CTNND2: variants seen among roughly 807,000 people sequenced by gnomAD.
The protein encoded by CTNND2 is catenin delta-2.
CTNND2 carries 22 observed loss-of-function variants against 144.4 expected under a neutral mutation model. The observed-to-expected ratio is 0.15, with a 90% CI of 0.11 to 0.22. The LOEUF is 0.22. Ranked by LOEUF, CTNND2 falls within the 10% of genes least tolerant of loss-of-function variation. CTNND2 has a pLI of 1.00. For missense variants in CTNND2, 1,353 were observed against 1,618.8 expected (o/e 0.84, Z 2.82); for synonymous variants, 751 against 695.6 (o/e 1.08, Z -1.25).
intron 9 of CTNND2, among the ~76,000 whole-genome samples, chr5:11,289,427 A>G (rs578061791): frequency 1.1e-4 from 16 of 152,308 alleles, no homozygotes; most frequent in African/African-American, 3.8e-4. Flanking sequence ...CTCTTATCAA[A>G]TTGGATTTGG....
At chr5:11,091,291 T>C (rs1368216807) in intron 15 of CTNND2, among the ~76,000 whole-genome samples, 6 of 152,202 alleles carry the variant, frequency 3.9e-5, no homozygotes, top group Non-Finnish European at 5.9e-5. Flanking sequence ...TCACACCCCA[T>C]GTATTTTTCA....
At chr5:11,193,709 C>T (rs1207447057) in intron 11 of CTNND2, among the ~76,000 whole-genome samples, 3 of 152,020 alleles carry the variant, frequency 2.0e-5, no homozygotes, top group Non-Finnish European at 4.4e-5. Flanking sequence ...TACTTAGCTC[C>T]TGCTCTGGGG....
intron 11 of CTNND2, among the ~76,000 whole-genome samples, chr5:11,185,844 G>A (rs1735572107): frequency 6.6e-6 from 1 of 152,214 alleles, no homozygotes; most frequent in Non-Finnish European, 1.5e-5. Flanking sequence ...TTGCTATGTT[G>A]TGTTCGTTAA....
At chr5:11,467,710 C>A (rs1189467836) in intron 3 of CTNND2, among the ~76,000 whole-genome samples, 1 of 152,142 alleles carries the variant, frequency 6.6e-6, no homozygotes, top group Non-Finnish European at 1.5e-5. Context: ...ATTTAAGCAG[C>A]AGTTTTGGGT....
chr5:11,005,658 A>G (rs1740409248), intron 18 of CTNND2, among the ~76,000 whole-genome samples: 1 of 152,218 alleles, frequency 6.6e-6, no homozygotes, highest in Non-Finnish European at 1.5e-5. Flanking sequence ...GTTGGGTGCT[A>G]TTTACTGAGA....
intron 2 of CTNND2, among the ~76,000 whole-genome samples, chr5:11,728,146 T>C (rs1787124828): frequency 6.6e-6 from 1 of 152,144 alleles, no homozygotes; most frequent in African/African-American, 2.4e-5. Context: ...ATATATAAAG[T>C]ACTCAGTGTC....
At chr5:11,167,672 G>T (rs1162670817) in intron 11 of CTNND2, among the ~76,000 whole-genome samples, 1 of 150,948 alleles carries the variant, frequency 6.6e-6, no homozygotes, top group Admixed American at 6.6e-5. Flanking sequence ...CATTTAGATG[G>T]CAAGAAGCCA....
At chr5:11,342,295 C>T (rs570815723) in intron 9 of CTNND2, among the ~76,000 whole-genome samples, 1 of 152,264 alleles carries the variant, frequency 6.6e-6, no homozygotes, top group South Asian at 2.1e-4. Context: ...GAAATGTATA[C>T]ATAATTCCTT....
At chr5:11,132,773 C>T (rs1257198533) in intron 12 of CTNND2, among the ~76,000 whole-genome samples, 1 of 152,148 alleles carries the variant, frequency 6.6e-6, no homozygotes, top group East Asian at 1.9e-4. Flanking sequence ...TCAAAACATT[C>T]CTTGGATCAA....
At chr5:11,455,346 C>T (rs1274157607) in intron 3 of CTNND2, among the ~76,000 whole-genome samples, 1 of 152,128 alleles carries the variant, frequency 6.6e-6, no homozygotes, top group Non-Finnish European at 1.5e-5. Context: ...AAATACTATT[C>T]TCTGGGCCCC....
chr5:11,754,142 C>T (rs1788776689), intron 1 of CTNND2, among the ~76,000 whole-genome samples: 1 of 150,776 alleles, frequency 6.6e-6, no homozygotes, highest in African/African-American at 2.4e-5. Context: ...TTTGTTGATC[C>T]TTTGTGTAAC....
At chr5:11,295,318 C>T (rs577718557) in intron 9 of CTNND2, among the ~76,000 whole-genome samples, 28 of 151,960 alleles carry the variant, frequency 1.8e-4, no homozygotes, top group African/African-American at 2.9e-4. Context: ...AACCACTGCT[C>T]GATGAAATAA....
intron 16 of CTNND2, among the ~76,000 whole-genome samples, chr5:11,074,050 T>G (rs1430307980): frequency 6.6e-6 from 1 of 152,198 alleles, no homozygotes; most frequent in African/African-American, 2.4e-5. Flanking sequence ...AAACAGCACG[T>G]TGCCTTCCTG....
chr5:11,285,884 A>T (rs1379393628), intron 9 of CTNND2, among the ~76,000 whole-genome samples: 3 of 152,238 alleles, frequency 2.0e-5, no homozygotes, highest in Non-Finnish European at 4.4e-5. Flanking sequence ...ATCCAAAGTG[A>T]TTTTTAAATA....
At chr5:11,052,316 C>T (rs1220954525) in intron 16 of CTNND2, among the ~76,000 whole-genome samples, 3 of 152,064 alleles carry the variant, frequency 2.0e-5, no homozygotes, top group Non-Finnish European at 4.4e-5. Context: ...AAACTTCTGC[C>T]CAATACTCCC....
intron 1 of CTNND2, among the ~76,000 whole-genome samples, chr5:11,799,649 T>C (rs1016355442): frequency 1.3e-5 from 2 of 152,200 alleles, no homozygotes; most frequent in African/African-American, 4.8e-5. Context: ...ATCCCCCCCT[T>C]GCTCTGTCCA....
chr5:11,221,584 G>T (rs770973942), intron 10 of CTNND2, among the ~76,000 whole-genome samples: 1 of 152,214 alleles, frequency 6.6e-6, no homozygotes, highest in Non-Finnish European at 1.5e-5. Context: ...AATCTTAGGA[G>T]ATGACGGCGC....
intron 3 of CTNND2, among the ~76,000 whole-genome samples, chr5:11,530,994 G>A (rs1490592572): frequency 1.3e-5 from 2 of 152,144 alleles, no homozygotes; most frequent in African/African-American, 2.4e-5. Context: ...ACAACACACG[G>A]CTTTGTCTCC....
chr5:10,995,259 G>A (rs2149505032), intron 18 of CTNND2, among the ~76,000 whole-genome samples: 1 of 152,276 alleles, frequency 6.6e-6, no homozygotes, highest in Middle Eastern at 3.4e-3. Flanking sequence ...TATTGAGAGG[G>A]GTGCAAAGAG....
Sources: gnomAD v4.1 joint callset for allele counts (sites outside exome capture counted in the v4.1 genomes callset) on GRCh38, gnomAD v4.1.1 for gene constraint, MANE v1.5 for transcripts, NCBI Gene and HGNC (gene_info 2026-07-23, HGNC 2026-07-21) for gene names.